DYM: variants seen among roughly 807,000 people sequenced by gnomAD.
DYM encodes dymeclin, also known as dyggve-Melchior-Clausen syndrome protein.
Under a neutral mutation model 93.1 loss-of-function variants are expected in DYM, and 78 were observed. The ratio of observed to expected loss-of-function variants is 0.84; its 90% CI spans 0.70 to 1.01. The LOEUF (loss-of-function observed/expected upper bound fraction) is 1.01. DYM is among the 50% of genes least tolerant of loss of function. The probability of loss-of-function intolerance (pLI) is 0.00; values close to 1 mark genes in which losing one functional copy is unlikely to be tolerated. For synonymous variants in DYM, 321 were observed against 319.7 expected (o/e 1.00, Z -0.04); for missense variants, 789 against 845.0 (o/e 0.93, Z 0.82).
chr18:49,222,629 C>A (rs188835876), intron 13 of DYM, among the ~76,000 whole-genome samples: 3 of 152,086 alleles, frequency 2.0e-5, no homozygotes, highest in African/African-American at 7.2e-5. Context: ...ACAATATGAA[C>A]AGAGGTTCAT....
At chr18:49,313,842 G>T (rs2061761504) in intron 8 of DYM, among the ~76,000 whole-genome samples, 1 of 152,126 alleles carries the variant, frequency 6.6e-6, no homozygotes, top group Non-Finnish European at 1.5e-5. Context: ...CTGACCCAGG[G>T]CTAACTTTGG....
chr18:49,417,801 G>T (rs1307094595), intron 2 of DYM: 1 of 152,120 alleles, frequency 6.6e-6, no homozygotes, highest in Admixed American at 6.5e-5. Context: ...CTGGCTGGGC[G>T]TGTAATCTCA....
intron 17 of DYM, among the ~76,000 whole-genome samples, chr18:49,063,297 G>C (rs1033145590): frequency 6.8e-6 from 1 of 147,698 alleles, no homozygotes; most frequent in African/African-American, 2.6e-5. Flanking sequence ...AGAAAAGCCA[G>C]ATTTCTTTTC....
At chr18:49,106,142 GA>G (rs1489159308) in intron 16 of DYM, among the ~76,000 whole-genome samples, 1 of 152,170 alleles carries the variant, frequency 6.6e-6, no homozygotes, top group Non-Finnish European at 1.5e-5. Context: ...TTGTTGAATT[GA>G]ACCCTTTACC....
chr18:49,340,928 G>A (rs1362147037), intron 6 of DYM, among the ~76,000 whole-genome samples: 1 of 152,158 alleles, frequency 6.6e-6, no homozygotes, highest in East Asian at 1.9e-4. Flanking sequence ...CAGAGATGGT[G>A]ATGCCATTAA....
At chr18:49,183,471 T>A (rs1393412549) in intron 14 of DYM, among the ~76,000 whole-genome samples, 1 of 152,090 alleles carries the variant, frequency 6.6e-6, no homozygotes, top group Admixed American at 6.5e-5. Context: ...GTTAACTGCT[T>A]GGCCTACACT....
chr18:49,395,734 T>C (rs2069986618), intron 2 of DYM, among the ~76,000 whole-genome samples: 2 of 151,940 alleles, frequency 1.3e-5, no homozygotes, highest in South Asian at 4.2e-4. Flanking sequence ...AGATATCACA[T>C]CACCCAGTTA....
At chr18:49,049,127 C>T (rs1428163175) in intron 17 of DYM, among the ~76,000 whole-genome samples, 1 of 152,148 alleles carries the variant, frequency 6.6e-6, no homozygotes, top group African/African-American at 2.4e-5. Flanking sequence ...TCATTATTTC[C>T]ATAGAAGTTC....
In DYM at chr18:49,218,425, T is replaced by G. The variant is rs2093184674; in HGVS notation, c.1461-8710A>C. On this transcript the variant is annotated intron_variant, in intron 13 of 17. Coordinates refer to ENST00000675505, the MANE Select transcript of DYM (RefSeq NM_001353214.3). ...CGGACCTAATAGACATCTACAGAACTCTGCACCCCAAATCAACAGAATATA... is the reference window on the plus strand; with the variant it reads ...CGGACCTAATAGACATCTACAGAACGCTGCACCCCAAATCAACAGAATATA... Among the ~76,000 whole-genome samples, 4 of 152,184 alleles carry G rather than the reference T, an allele frequency of 2.6e-5. No individual in the cohort carries two copies. The South Asian group carries it at 8.3e-4, about 31-fold the overall frequency.
At chr18:49,138,682 CA>C (rs35554582) in intron 15 of DYM, among the ~76,000 whole-genome samples, 5,204 of 152,186 alleles carry the variant, frequency 0.034, 158 homozygotes, top group East Asian at 0.078. Context: ...AAATACTAAA[CA>C]GTGGCATTAT....
intron 16 of DYM, among the ~76,000 whole-genome samples, chr18:49,117,996 CTTTTTTTTTTTTTT>C (rs35936099): frequency 1.9e-5 from 1 of 53,468 alleles, no homozygotes; most frequent in African/African-American, 1.0e-4. Context: ...TGTGCCCAGC[CTTTTTTTTTTTTTT>C]TTTTTTTTTT....
At chr18:49,119,475 C>G (rs972772827) in intron 15 of DYM, among the ~76,000 whole-genome samples, 4 of 152,110 alleles carry the variant, frequency 2.6e-5, no homozygotes, top group African/African-American at 9.7e-5. Context: ...TCAAAGTAAG[C>G]AATCAGCAAA....
At chr18:49,345,237 G>A (rs2064482815) in intron 6 of DYM, among the ~76,000 whole-genome samples, 1 of 152,012 alleles carries the variant, frequency 6.6e-6, no homozygotes, top group Non-Finnish European at 1.5e-5. Context: ...GCACTCCAAG[G>A]CAAGTCATTT....
chr18:49,173,847 C>T (rs1021943688), intron 14 of DYM, among the ~76,000 whole-genome samples: 2 of 151,990 alleles, frequency 1.3e-5, no homozygotes, highest in East Asian at 3.9e-4. Context: ...TTAAAAATTT[C>T]TGTTTCTTGA....
At chr18:49,354,944 C>T (rs1391207537) in intron 6 of DYM, among the ~76,000 whole-genome samples, 1 of 151,832 alleles carries the variant, frequency 6.6e-6, no homozygotes, top group Non-Finnish European at 1.5e-5. Context: ...ATGATAGATA[C>T]ATTTCATCAT....
intron 8 of DYM, among the ~76,000 whole-genome samples, chr18:49,302,947 G>C (rs979846916): frequency 2.4e-4 from 37 of 152,054 alleles, no homozygotes; most frequent in African/African-American, 8.2e-4. Context: ...TCAGCACCTG[G>C]GATTTAACAG....
At chr18:49,231,701 G>C (rs2093699910) in intron 13 of DYM, among the ~76,000 whole-genome samples, 1 of 152,152 alleles carries the variant, frequency 6.6e-6, no homozygotes, top group African/African-American at 2.4e-5. Flanking sequence ...CTTGTATCTG[G>C]TTCCTCTGAG....
chr18:49,392,863 T>G (rs928082385), intron 2 of DYM, among the ~76,000 whole-genome samples: 1 of 150,162 alleles, frequency 6.7e-6, no homozygotes, highest in African/African-American at 2.4e-5. Flanking sequence ...GGCATGGTGG[T>G]ACACGCCTGT....
Position 49,080,761 on chromosome 18 carries a change from G to A in DYM, c.2025+16641C>T, listed in dbSNP as rs539758261. On this transcript the variant is annotated intron_variant, in intron 17 of 17. Transcript: ENST00000675505. ...CTTCTCAGACGGGGCAGCTCCGGGC[G>A]GAGGGGCTCCTCACTTCTCAGACGG... Among the ~76,000 whole-genome samples the A allele has an allele frequency of 1.0e-3, 142 of 140,362 alleles. 1 individual carries two copies. The highest frequency in any genetic ancestry group is 1.7e-3 in the Non-Finnish European group (107 of 64,696). The allele number at this position is 140,362 out of a possible 152,430, so 92.1% of individuals were successfully genotyped here. A position where few individuals can be genotyped will look rare whatever the true frequency, so the allele number is the denominator to read the frequency against.
Sources: gnomAD v4.1 joint callset for allele counts (sites outside exome capture counted in the v4.1 genomes callset) on GRCh38, gnomAD v4.1.1 for gene constraint, MANE v1.5 for transcripts, NCBI Gene and HGNC (gene_info 2026-07-23, HGNC 2026-07-21) for gene names.